Variants in EVL observed in about 807,000 individuals in gnomAD.
EVL encodes Enah/Vasp-like, also known as ena/VASP-like protein.
EVL carries 21 observed loss-of-function variants against 59.6 expected under a neutral mutation model. The ratio of observed to expected loss-of-function variants is 0.35; its 90% CI spans 0.25 to 0.51. The LOEUF (loss-of-function observed/expected upper bound fraction) is 0.51. EVL is among the 20% of genes least tolerant of loss of function. EVL has a pLI of 0.97. For synonymous variants in EVL, 198 were observed against 203.5 expected (o/e 0.97, Z 0.23); for missense variants, 462 against 546.6 (o/e 0.85, Z 1.54).
intron 6 of EVL, 114 bp from the exon 7 acceptor site, chr14:100,129,449 G>A (rs1264428850): frequency 1.3e-6 from 2 of 1,490,164 alleles, no homozygotes; most frequent in Non-Finnish European, 1.8e-6. Flanking sequence ...GCCCCTTGCA[G>A]TGCTGCTGCC....
chr14:100,025,591 C>T (rs2061196467), intron 1 of EVL, among the ~76,000 whole-genome samples: 1 of 152,158 alleles, frequency 6.6e-6, no homozygotes, highest in Admixed American at 6.5e-5. Flanking sequence ...TTATTGTTTA[C>T]CTCCCTTAGC....
intron 1 of EVL, among the ~76,000 whole-genome samples, chr14:99,997,259 A>T (rs548913923): frequency 3.9e-5 from 6 of 152,258 alleles, no homozygotes; most frequent in Non-Finnish European, 5.9e-5. Context: ...CTCATTGAGA[A>T]TTCCAAGCTT....
chr14:100,128,788 G>T (rs772745657), intron 6 of EVL, 40 bp downstream of exon 6: 9 of 1,547,906 alleles, frequency 5.8e-6, no homozygotes, highest in Non-Finnish European at 7.1e-6. Flanking sequence ...GGGACCGAGG[G>T]GACCCTTGTG....
intron 1 of EVL, among the ~76,000 whole-genome samples, chr14:100,043,848 A>G (rs1187064048): frequency 1.3e-5 from 2 of 152,088 alleles, no homozygotes; most frequent in Non-Finnish European, 2.9e-5. Context: ...TCCTGGGCTC[A>G]AGCGATCTTC....
chr14:100,116,699 T>G (rs1887371931), intron 3 of EVL, among the ~76,000 whole-genome samples: 1 of 152,224 alleles, frequency 6.6e-6, no homozygotes, highest in South Asian at 2.1e-4. Context: ...GGGATTCTCC[T>G]CCGTAGGGTC....
At chr14:100,027,300 C>T (rs2061230390) in intron 1 of EVL, among the ~76,000 whole-genome samples, 2 of 152,242 alleles carry the variant, frequency 1.3e-5, no homozygotes, top group South Asian at 2.1e-4. Flanking sequence ...CAATAAATTA[C>T]TGTTAACTCT....
At chr14:100,033,564 A>G (rs2061345246) in intron 1 of EVL, among the ~76,000 whole-genome samples, 1 of 152,244 alleles carries the variant, frequency 6.6e-6, no homozygotes, top group Admixed American at 6.5e-5. Flanking sequence ...TTGTAAAACA[A>G]GGAAAACCTG....
chr14:100,013,333 C>T (rs1379186614), intron 1 of EVL, among the ~76,000 whole-genome samples: 4 of 152,238 alleles, frequency 2.6e-5, no homozygotes, highest in Admixed American at 2.6e-4. Context: ...AGGAGGGCAA[C>T]TCGATGGGTT....
At chr14:99,987,905 ATTTTTT>A (rs774580760) in intron 1 of EVL, among the ~76,000 whole-genome samples, 13 of 103,822 alleles carry the variant, frequency 1.3e-4, no homozygotes, top group Admixed American at 8.3e-4. Context: ...AGACAACCCA[ATTTTTT>A]TTTTTTTTTT....
intron 2 of EVL, among the ~76,000 whole-genome samples, chr14:100,088,732 T>G (rs1485340763): frequency 6.6e-6 from 1 of 152,178 alleles, no homozygotes; most frequent in African/African-American, 2.4e-5. Context: ...GACCTTCCTT[T>G]AAATGAAGAG....
intron 1 of EVL, among the ~76,000 whole-genome samples, chr14:99,992,465 G>T (rs2060881806): frequency 6.6e-6 from 1 of 152,056 alleles, no homozygotes; most frequent in South Asian, 2.1e-4. Context: ...AGTCTCATTT[G>T]TCTATTTTTG....
chr14:100,012,525 G>A (rs1272849401), intron 1 of EVL, among the ~76,000 whole-genome samples: 1 of 152,172 alleles, frequency 6.6e-6, no homozygotes, highest in Non-Finnish European at 1.5e-5. Flanking sequence ...AGGGTAATCT[G>A]CCCTATTATT....
intron 2 of EVL, among the ~76,000 whole-genome samples, chr14:100,089,941 A>G (rs1215489583): frequency 6.6e-6 from 1 of 152,196 alleles, no homozygotes; most frequent in Non-Finnish European, 1.5e-5. Context: ...CTCAAAAAAA[A>G]AGCCCCAAAA....
At chr14:100,059,745 AG>A (rs1304730437) in intron 1 of EVL, among the ~76,000 whole-genome samples, 1 of 151,626 alleles carries the variant, frequency 6.6e-6, no homozygotes, top group African/African-American at 2.4e-5. Flanking sequence ...GTTGCAGAGG[AG>A]GGGGATACCC....
intron 3 of EVL, among the ~76,000 whole-genome samples, chr14:100,120,481 C>T (rs948404350): frequency 2.0e-5 from 3 of 152,134 alleles, no homozygotes; most frequent in South Asian, 2.1e-4. Context: ...TTAAGAGAGG[C>T]GCATGGGCAC....
intron 2 of EVL, among the ~76,000 whole-genome samples, chr14:100,095,596 G>A (rs941930993): frequency 6.6e-6 from 1 of 152,184 alleles, no homozygotes; most frequent in Non-Finnish European, 1.5e-5. Flanking sequence ...GTGTGTGCAT[G>A]TGAATCTATA....
chr14:100,135,439 A>T (rs903934392), intron 8 of EVL: 10 of 155,002 alleles, frequency 6.5e-5, no homozygotes, highest in African/African-American at 2.4e-4. Context: ...CGCACATGCC[A>T]TGCATGATGA....
rs575326509 is a variant in EVL, at chr14:100,084,504, C to T, written c.12-183C>T. On this transcript the variant is annotated intron_variant, in intron 1 of 13. Transcript: ENST00000392920. ...GGCACAGAACCTCCTCTCCACTCTG[C>T]AAGCTCCTTAGAGAATGTAAGCTCA... Among the ~76,000 whole-genome samples, 3 of 152,356 alleles carry T rather than the reference C, an allele frequency of 2.0e-5. No homozygotes were observed. The East Asian group carries it at 5.8e-4, about 29-fold the overall frequency.
intron 1 of EVL, among the ~76,000 whole-genome samples, chr14:100,018,014 T>C (rs2061065420): frequency 6.6e-6 from 1 of 152,268 alleles, no homozygotes; most frequent in South Asian, 2.1e-4. Context: ...TGATAAAAGC[T>C]GAGGCAAAAG....
Sources: allele counts gnomAD v4.1 joint callset (sites outside exome capture counted in the v4.1 genomes callset), GRCh38; gene constraint gnomAD v4.1.1; transcripts MANE v1.5; gene names NCBI Gene and HGNC (gene_info 2026-07-23, HGNC 2026-07-21).